GRAMD4: variants seen among roughly 807,000 people sequenced by gnomAD.
GRAMD4 encodes the protein GRAM domain containing 4.
Under a neutral mutation model 83.9 loss-of-function variants are expected in GRAMD4, and 25 were observed. The observed-to-expected ratio is 0.30, with a 90% CI of 0.22 to 0.42. The LOEUF is 0.42. GRAMD4 is among the 10% of genes least tolerant of loss of function. The pLI is 1.00. For synonymous variants in GRAMD4, 336 were observed against 320.9 expected, an observed-to-expected ratio of 1.05 and a Z score of -0.50; for missense variants, 593 against 788.7, an observed-to-expected ratio of 0.75 and a Z score of 2.97.
chr22:46,577,773 C>T (rs1464106618), intron 1 of GRAMD4, among the ~76,000 whole-genome samples: 2 of 152,224 alleles, frequency 1.3e-5, no homozygotes, highest in African/African-American at 2.4e-5. Flanking sequence ...TTGTCCCCTC[C>T]GTGCACCCCA....
At chr22:46,618,058 T>C (rs945150001), upstream of GRAMD4, among the ~76,000 whole-genome samples, 2 of 152,178 alleles carry the variant, frequency 1.3e-5, no homozygotes, top group African/African-American at 2.4e-5. The surrounding 1 kb of genome is among the most constrained non-coding windows in gnomAD (Gnocchi z 5.8). Flanking sequence ...AAAGCTCAGC[T>C]GGTGGCTGCG....
chr22:46,664,158 G>A (rs1383928794), intron 8 of GRAMD4, 41 bp downstream of exon 8: 1 of 1,386,372 alleles, frequency 7.2e-7, no homozygotes, highest in Non-Finnish European at 1.0e-6. Context: ...TGGGTGGGAT[G>A]TGCCTGCCAG....
upstream of GRAMD4, chr22:46,576,100 C>T (rs774944758): frequency 3.3e-4 from 51 of 152,668 alleles, no homozygotes; most frequent in Non-Finnish European, 1.3e-4. Flanking sequence ...GAGGGCAGGG[C>T]ACTGGGGCAG....
intron 2 of GRAMD4, among the ~76,000 whole-genome samples, chr22:46,628,222 G>A (rs2147172721): frequency 6.6e-6 from 1 of 152,342 alleles, no homozygotes; most frequent in East Asian, 1.9e-4. Flanking sequence ...TGTTTCCCCA[G>A]CTCCCTCTCC....
At chr22:46,643,187 CCATCCATCCATCCATCTATCCATCCATT>C (rs2082011942) in intron 3 of GRAMD4, among the ~76,000 whole-genome samples, 1 of 76,734 alleles carries the variant, frequency 1.3e-5, no homozygotes, top group Non-Finnish European at 3.3e-5. Flanking sequence ...ATCCATCCAT[CCATCCATCCATCCATCTATCCATCCATT>C]TATCCATCCC....
Position 46,622,084 on chromosome 22 carries a change from C to G in GRAMD4, c.-50+1519C>G, listed in dbSNP as rs369381349. Among the ~76,000 whole-genome samples the G allele has an allele frequency of 2.6e-5, 4 of 152,170 alleles. No homozygotes were observed. Among genetic ancestry groups the G allele is most frequent in the African/African-American group, 4.8e-5 (2 of 41,430 alleles). On this transcript the variant is annotated intron_variant, in intron 1 of 18. Transcript: ENST00000406902. The surrounding 1 kb of genome is among the most constrained non-coding windows in gnomAD (Gnocchi z 4.0). ...GGAGTAGCTGGACACTGGCGGGGCACGCATTGCATTCTGATGGTGACAGGC... is the reference window on the plus strand; with the variant it reads ...GGAGTAGCTGGACACTGGCGGGGCAGGCATTGCATTCTGATGGTGACAGGC...
intron 2 of GRAMD4, among the ~76,000 whole-genome samples, chr22:46,636,450 G>A (rs1300446866): frequency 1.3e-5 from 2 of 152,246 alleles, no homozygotes; most frequent in Admixed American, 6.5e-5. Context: ...CACCCAGAAC[G>A]GGGCAGCCAC....
At chr22:46,627,582 A>G (rs919777409) in intron 2 of GRAMD4, among the ~76,000 whole-genome samples, 13 of 152,294 alleles carry the variant, frequency 8.5e-5, no homozygotes, top group Non-Finnish European at 1.3e-4. Context: ...GGCCCGAAGC[A>G]TGGTGGGTTG....
chr22:46,635,765 C>T (rs2081875187), intron 2 of GRAMD4, among the ~76,000 whole-genome samples: 1 of 75,808 alleles, frequency 1.3e-5, no homozygotes, highest in Admixed American at 1.5e-4. Context: ...CCTGGCCACT[C>T]CTGTCCTAGG....
upstream of GRAMD4, among the ~76,000 whole-genome samples, chr22:46,619,608 G>T (rs1032115261): frequency 6.6e-6 from 1 of 152,178 alleles, no homozygotes; most frequent in Non-Finnish European, 1.5e-5. Flanking sequence ...ATGGGGTATT[G>T]GTAGAACCAG....
At chr22:46,585,684 G>T (rs1372782716) in intron 1 of GRAMD4, among the ~76,000 whole-genome samples, 1 of 152,230 alleles carries the variant, frequency 6.6e-6, no homozygotes, top group African/African-American at 2.4e-5. Context: ...ACACATGGTG[G>T]AAGGGAGCTT....
chr22:46,646,647 C>T (rs1163092018), intron 3 of GRAMD4, among the ~76,000 whole-genome samples: 1 of 152,182 alleles, frequency 6.6e-6, no homozygotes. Context: ...GACTCAGTGT[C>T]CCTGGACTTG....
rs112976034 is a variant in GRAMD4, at chr22:46,672,359, G to T, written c.1085-484G>T. ...CTGGTCATGGGCGGCCTCTCAGCAG[G>T]GATGGGCTGGGCGTGGGGGGGCACC... On this transcript the variant is annotated intron_variant, in intron 13 of 18. Coordinates refer to ENST00000406902, the MANE Select transcript of GRAMD4 (RefSeq NM_015124.5). This position sits in a 1 kb window ranked among gnomAD's most constrained non-coding sequence, Gnocchi z 4.7. 0.033 allele frequency among the ~76,000 whole-genome samples: 5,049 copies of T among 151,994 alleles called. 208 individuals are homozygous for T. The highest frequency in any genetic ancestry group is 0.089 in the African/African-American group (3,694 of 41,358).
At chr22:46,644,480 G>GGTTACACCTGTCCCTGTTCTGT (rs2082037791) in intron 3 of GRAMD4, among the ~76,000 whole-genome samples, 1 of 119,002 alleles carries the variant, frequency 8.4e-6, no homozygotes. Flanking sequence ...CCCCGTTGCA[G>GGTTACACCTGTCCCTGTTCTGT]GTTACACCTG....
At chr22:46,575,878 A>G (rs1225621301), upstream of GRAMD4, 3 of 152,310 alleles carry the variant, frequency 2.0e-5, no homozygotes, top group African/African-American at 7.2e-5. Flanking sequence ...GGAGAAGTAC[A>G]GCTCACCTGA....
At chr22:46,607,387 G>C (rs145425862) in intron 1 of GRAMD4, among the ~76,000 whole-genome samples, 3 of 152,186 alleles carry the variant, frequency 2.0e-5, no homozygotes, top group African/African-American at 7.2e-5. Flanking sequence ...ATAGTTATGG[G>C]TTCTTAGTAC....
In GRAMD4 at chr22:46,677,525, G is replaced by A. The variant is rs549453683; in HGVS notation, c.*274G>A. ...GGGGAGGGGGCAGAGGCCCTCGGGG[G>A]CCCGTGGAGAAGACACACAGGACCC... On this transcript the variant is annotated 3_prime_UTR_variant, in exon 19 of 19. Transcript: ENST00000406902. The A allele has an allele frequency of 7.5e-5, 90 of 1,206,990 alleles. No homozygotes were observed. In the East Asian group the frequency reaches 2.8e-3, roughly 37 times the overall value. The allele number at this position is 1,206,990 out of a possible 1,614,324, so 74.8% of individuals were successfully genotyped here. A position where few individuals can be genotyped will look rare whatever the true frequency, so the allele number is the denominator to read the frequency against.
At position 46,603,513 on chromosome 22, in the gene GRAMD4, C is replaced by CTTTTTTTTTTT. The variant is rs1569254347; in HGVS notation, c.-49-23237_-49-23236insTTTTTTTTTTT. On this transcript the variant is annotated intron_variant, in intron 1 of 1. Transcript: ENST00000431155. Reference sequence around the variant, plus strand: ...CATGAGCCACCGCGCCCGGCCTCTTCTCTTTTTTTTTTTTTTTTTTTGAGA... The same window carrying CTTTTTTTTTTT: ...CATGAGCCACCGCGCCCGGCCTCTTCTTTTTTTTTTTTCTTTTTTTTTTTTTTTTTTTGAGA... 2.5e-4 allele frequency among the ~76,000 whole-genome samples: 27 copies of CTTTTTTTTTTT among 106,010 alleles called. 5 individuals carry two copies. Among genetic ancestry groups the CTTTTTTTTTTT allele is most frequent in the South Asian group, 6.1e-4 (2 of 3,258 alleles). 69.5% of individuals were successfully genotyped at this position (106,010 alleles called of 152,430 possible). A position where few individuals can be genotyped will look rare whatever the true frequency, so the allele number is the denominator to read the frequency against.
In GRAMD4 at chr22:46,600,240, G is replaced by T. The variant is rs7284276; in HGVS notation, c.-50+22950G>T. ...TCACCCTGTTCCAGTGGTGGGATGT[G>T]GGCCACTGCTGAGGGTCTCCTAAAG... On this transcript the variant is annotated intron_variant, in intron 1 of 1. Coordinates refer to the GRAMD4 transcript ENST00000431155. 1.3e-4 allele frequency among the ~76,000 whole-genome samples: 20 copies of T among 152,178 alleles called. 1 individual carries two copies. In the East Asian group the frequency reaches 3.1e-3, roughly 24 times the overall value.
Sources: gnomAD v4.1 joint callset for allele counts (sites outside exome capture counted in the v4.1 genomes callset) on GRCh38, gnomAD v4.1.1 for gene constraint, Gnocchi (gnomAD v3.1) non-coding constraint, MANE v1.5 for transcripts, NCBI Gene and HGNC (gene_info 2026-07-23, HGNC 2026-07-21) for gene names.